DNAAF4: variants seen among roughly 807,000 people sequenced by gnomAD.
DNAAF4 encodes dynein assembly factor 4, axonemal.
In DNAAF4, 43 loss-of-function variants were observed where a neutral mutation model predicts 51.8. The ratio of observed to expected loss-of-function variants is 0.83; its 90% confidence interval spans 0.65 to 1.07. DNAAF4 has a LOEUF of 1.07. Ranked by LOEUF, DNAAF4 falls within the 50% of genes least tolerant of loss-of-function variation. The pLI, the probability that DNAAF4 is intolerant of heterozygous loss-of-function variation, is 0.00. For missense variants in DNAAF4, 581 were observed against 493.0 expected (o/e 1.18, Z -1.69); for synonymous variants, 194 against 165.6 (o/e 1.17, Z -1.32).
chr15:55,449,450 G>A (rs201310513), intron 6 of DNAAF4, among the ~76,000 whole-genome samples: 2 of 149,250 alleles, frequency 1.3e-5, no homozygotes, highest in East Asian at 4.4e-4. Flanking sequence ...ATCGCCTGAG[G>A]TCAGGAGTTT....
At chr15:55,448,530 GTGTGTGTGT>G (rs2057878180) in intron 6 of DNAAF4, among the ~76,000 whole-genome samples, 1 of 89,424 alleles carries the variant, frequency 1.1e-5, no homozygotes, top group African/African-American at 4.3e-5. Context: ...GTGTGTGTGT[GTGTGTGTGT>G]GTGTGTGTGT....
At chr15:55,433,316 C>T (rs560978250) in intron 8 of DNAAF4, among the ~76,000 whole-genome samples, 65 of 152,074 alleles carry the variant, frequency 4.3e-4, no homozygotes, top group South Asian at 8.3e-4. Context: ...CACACACACA[C>T]ACAAAAGGCC....
intron 6 of DNAAF4, chr15:55,442,904 T>A: frequency 6.2e-7 from 1 of 1,612,216 alleles, no homozygotes. Flanking sequence ...CCTCCATGAA[T>A]CAATCCAGGT....
downstream of DNAAF4, among the ~76,000 whole-genome samples, chr15:55,426,912 C>T (rs2057435470): frequency 6.6e-6 from 1 of 152,192 alleles, no homozygotes. Context: ...GCTTCAGCTA[C>T]CCTATAAATA....
chr15:55,442,566 G>C (rs1011811857), intron 6 of DNAAF4: 1 of 1,026,946 alleles, frequency 9.7e-7, no homozygotes, highest in Non-Finnish European at 1.5e-6. Flanking sequence ...TGAGGGAGCA[G>C]AGTATTCGGG....
At chr15:55,465,417 C>T (rs2058156168) in intron 5 of DNAAF4, among the ~76,000 whole-genome samples, 2 of 151,770 alleles carry the variant, frequency 1.3e-5, no homozygotes, top group South Asian at 2.1e-4. Flanking sequence ...CACACACACA[C>T]ACACAGACAC....
intron 5 of DNAAF4, among the ~76,000 whole-genome samples, chr15:55,461,236 T>C (rs1028663355): frequency 1.3e-5 from 2 of 151,936 alleles, no homozygotes; most frequent in African/African-American, 4.8e-5. Context: ...GCCTGGCTAA[T>C]TTTTTGTACT....
At chr15:55,453,548 C>CTTTT (rs1228330492) in intron 5 of DNAAF4, among the ~76,000 whole-genome samples, 7 of 115,674 alleles carry the variant, frequency 6.1e-5, no homozygotes, top group Non-Finnish European at 7.1e-5. Flanking sequence ...AAAAACAGTT[C>CTTTT]TTTTTTTTTT....
chr15:55,471,062 T>G (rs2058248410), intron 4 of DNAAF4, among the ~76,000 whole-genome samples: 1 of 151,752 alleles, frequency 6.6e-6, no homozygotes, highest in Non-Finnish European at 1.5e-5. Flanking sequence ...TCACTATCTA[T>G]GTTGCCCAGG....
intron 8 of DNAAF4, among the ~76,000 whole-genome samples, chr15:55,433,459 T>C (rs2057529112): frequency 6.6e-6 from 1 of 151,580 alleles, no homozygotes; most frequent in South Asian, 2.1e-4. Flanking sequence ...ACCCCGTCTC[T>C]ACTAAAAATA....
intron 7 of DNAAF4, among the ~76,000 whole-genome samples, chr15:55,422,626 T>C (rs1181761560): frequency 2.0e-5 from 3 of 152,114 alleles, no homozygotes; most frequent in Non-Finnish European, 4.4e-5. Flanking sequence ...TGAAATTATC[T>C]TGGGAGATAT....
chr15:55,418,278 T>G (rs2057354950), intron 7 of DNAAF4: 1 of 1,551,918 alleles, frequency 6.4e-7, no homozygotes, highest in Non-Finnish European at 8.7e-7. Context: ...TCTGAACAAC[T>G]GCCTCCTTGT....
intron 3 of DNAAF4, among the ~76,000 whole-genome samples, chr15:55,495,942 T>TA (rs2058634812): frequency 6.6e-6 from 1 of 152,092 alleles, no homozygotes; most frequent in Non-Finnish European, 1.5e-5. Context: ...ACTGGGGATG[T>TA]CAGGCCGGTC....
At chr15:55,481,232 TA>T (rs1225318393) in intron 4 of DNAAF4, among the ~76,000 whole-genome samples, 3 of 152,112 alleles carry the variant, frequency 2.0e-5, no homozygotes, top group Non-Finnish European at 4.4e-5. Flanking sequence ...AAAAGTGGCT[TA>T]TATCTTTTCC....
chr15:55,442,825 G>A (rs2057735410), intron 6 of DNAAF4: 1 of 1,612,922 alleles, frequency 6.2e-7, no homozygotes, highest in Non-Finnish European at 8.5e-7. Flanking sequence ...GAGATTGGCA[G>A]TCATGACGAT....
intron 8 of DNAAF4, among the ~76,000 whole-genome samples, chr15:55,434,089 G>A (rs1013527056): frequency 8.4e-6 from 1 of 118,446 alleles, no homozygotes; most frequent in Non-Finnish European, 1.7e-5. Flanking sequence ...GAAGAGATAT[G>A]TTGAACAACT....
chr15:55,430,847 TA>T, intron 9 of DNAAF4, 68 bp from the exon 10 acceptor site: 1 of 1,265,714 alleles, frequency 7.9e-7, no homozygotes, highest in South Asian at 1.3e-5. Context: ...ATCTAGACAA[TA>T]GTTGTTTAAA....
At chr15:55,498,612 A>C (rs2141605532) in intron 1 of DNAAF4, 28 bp from the exon 2 acceptor site, 2 of 283,932 alleles carry the variant, frequency 7.0e-6, no homozygotes, top group Non-Finnish European at 6.4e-6. Context: ...AAAAAAAAAA[A>C]AGCACTCTGT....
chr15:55,442,727 C>T (rs1383616030), intron 6 of DNAAF4: 4 of 1,544,392 alleles, frequency 2.6e-6, no homozygotes, highest in Non-Finnish European at 3.6e-6. Flanking sequence ...TTACTGGAAA[C>T]AAAAAATTTC....
Sources: gnomAD v4.1 joint callset for allele counts (sites outside exome capture counted in the v4.1 genomes callset) on GRCh38, gnomAD v4.1.1 for gene constraint, MANE v1.5 for transcripts, NCBI Gene and HGNC (gene_info 2026-07-23, HGNC 2026-07-21) for gene names.